Variants in RXRA observed in about 807,000 individuals in gnomAD.
RXRA encodes retinoic acid receptor RXR-alpha.
RXRA carries 5 observed loss-of-function variants against 44.5 expected under a neutral mutation model. The observed-to-expected ratio is 0.11, with a 90% CI of 0.06 to 0.24. RXRA has a LOEUF of 0.24. RXRA is among the 10% of genes least tolerant of loss of function. The pLI is 1.00. For synonymous variants in RXRA, 291 were observed against 271.4 expected, an observed-to-expected ratio of 1.07 and a Z score of -0.71; for missense variants, 412 against 646.5, an observed-to-expected ratio of 0.64 and a Z score of 3.93.
intron 1 of RXRA, among the ~76,000 whole-genome samples, chr9:134,327,807 C>CA (rs1454184859): frequency 7.9e-5 from 12 of 152,192 alleles, no homozygotes; most frequent in Admixed American, 7.8e-4. Context: ...CTCTGCTACT[C>CA]ACAGGCAGGT....
rs2119031969 is a variant in RXRA, at chr9:134,343,945, C to G, written c.28+17286C>G. ...CCTACCACAGTGGGGTGGGCATCTCCCCATAGGCCCTCCCCACAGGATGCA... is the reference window on the plus strand; with the variant it reads ...CCTACCACAGTGGGGTGGGCATCTCGCCATAGGCCCTCCCCACAGGATGCA... On this transcript the variant is annotated intron_variant, in intron 1 of 9. Coordinates refer to ENST00000481739, the MANE Select transcript of RXRA (RefSeq NM_002957.6). The surrounding 1 kb of genome is among the most constrained non-coding windows in gnomAD (Gnocchi z 4.1). Among the ~76,000 whole-genome samples, 1 of 152,288 alleles carries G rather than the reference C, an allele frequency of 6.6e-6. No individual in the cohort carries two copies. Among genetic ancestry groups the G allele is most frequent in the East Asian group, 1.9e-4 (1 of 5,162 alleles).
At chr9:134,424,304 G>A (rs1021842950) in intron 6 of RXRA, 7 of 985,370 alleles carry the variant, frequency 7.1e-6, no homozygotes, top group Non-Finnish European at 6.0e-6. Flanking sequence ...AAGCCATCCC[G>A]TGGCATCTCT....
chr9:134,385,647 G>T (rs1202779087), intron 1 of RXRA, among the ~76,000 whole-genome samples: 1 of 152,242 alleles, frequency 6.6e-6, no homozygotes, highest in Non-Finnish European at 1.5e-5. Context: ...GCGAGCGGTG[G>T]TGGCCCCCGA....
chr9:134,439,032 G>A lies in RXRA; in HGVS notation c.*2418G>A, dbSNP rs2119224444. 1 of 152,430 alleles carries A rather than the reference G, an allele frequency of 6.6e-6. No individual in the cohort carries two copies. The highest frequency in any genetic ancestry group is 1.9e-4 in the East Asian group (1 of 5,188). 9.4% of individuals were successfully genotyped at this position (152,430 alleles called of 1,614,324 possible). On this transcript the variant is annotated 3_prime_UTR_variant, in exon 10 of 10. Transcript: ENST00000481739. ...TACAGTGCTGTTGGTTTGAAAAGGT[G>A]ATGTGTGGGGAGTGCGGCTCATCAC...
chr9:134,426,291 C>CCCT lies in RXRA; in HGVS notation c.911-2813_911-2811dup. 4.1e-6 allele frequency: 4 copies of CCCT among 985,438 alleles called. No individual in the cohort carries two copies. Among genetic ancestry groups the CCCT allele is most frequent in the Non-Finnish European group, 4.8e-6 (4 of 829,916 alleles). 61.0% of individuals were successfully genotyped at this position (985,438 alleles called of 1,614,324 possible). A position where few individuals can be genotyped will look rare whatever the true frequency, so the allele number is the denominator to read the frequency against. On this transcript the variant is annotated intron_variant, in intron 6 of 9. Coordinates refer to ENST00000481739, the MANE Select transcript of RXRA (RefSeq NM_002957.6). This position sits in a 1 kb window ranked among gnomAD's most constrained non-coding sequence, Gnocchi z 4.6. ...GGCCCCCACATCACAGGGCCAGGAG[C>CCCT]CCTCCTTCCTGCAGCGATGGAGCAC...
chr9:134,434,018 AC>A, intron 8 of RXRA, 83 bp from the exon 9 acceptor site: 1 of 961,992 alleles, frequency 1.0e-6, no homozygotes, highest in Non-Finnish European at 1.6e-6. Flanking sequence ...AGCCTGGGAG[AC>A]CCCACACAAG....
intron 4 of RXRA, among the ~76,000 whole-genome samples, chr9:134,412,118 G>A (rs1476331907): frequency 3.3e-5 from 5 of 152,226 alleles, no homozygotes; most frequent in African/African-American, 1.2e-4. Flanking sequence ...CTCCCCGACA[G>A]CGGAGGGCAG....
chr9:134,420,955 C>A (rs766365848), intron 5 of RXRA, among the ~76,000 whole-genome samples: 1 of 152,256 alleles, frequency 6.6e-6, no homozygotes, highest in Non-Finnish European at 1.5e-5. Context: ...GGCTCCTGCC[C>A]TCCTGAGCTC....
At position 134,407,153 on chromosome 9, in the gene RXRA, A is replaced by G. The variant is rs774148359; in HGVS notation, c.280-996A>G. On this transcript the variant is annotated intron_variant, in intron 2 of 9. Transcript: ENST00000481739. This position sits in a 1 kb window ranked among gnomAD's most constrained non-coding sequence, Gnocchi z 4.8. ...AAGCTGGGGCTGGAAGACTCATTCC[A>G]GGCACCGAGGTCCATGTGAAAGGAG... 2.6e-5 allele frequency among the ~76,000 whole-genome samples: 4 copies of G among 152,224 alleles called. No homozygotes were observed. Among genetic ancestry groups the G allele is most frequent in the Admixed American group, 6.5e-5 (1 of 15,290 alleles).
At chr9:134,400,219 C>G (rs570332643) in intron 1 of RXRA, among the ~76,000 whole-genome samples, 2 of 152,312 alleles carry the variant, frequency 1.3e-5, no homozygotes, top group African/African-American at 2.4e-5. Context: ...CCCAGGGCTT[C>G]CTCCCGCTCT....
chr9:134,335,759 T>TA (rs1209099402), intron 1 of RXRA, among the ~76,000 whole-genome samples: 17 of 152,102 alleles, frequency 1.1e-4, no homozygotes, highest in African/African-American at 4.1e-4. Context: ...CCATGTGCGG[T>TA]ACCCCACCTC....
At chr9:134,388,830 G>A (rs1830758842) in intron 1 of RXRA, among the ~76,000 whole-genome samples, 2 of 152,206 alleles carry the variant, frequency 1.3e-5, no homozygotes, top group Admixed American at 1.3e-4. Flanking sequence ...AGATGCTGAG[G>A]GTCTCCAGGT....
intron 6 of RXRA, chr9:134,422,078 C>G (rs1384246110): frequency 2.9e-6 from 4 of 1,377,464 alleles, no homozygotes; most frequent in Non-Finnish European, 3.8e-6. Context: ...ACGCTCCCCT[C>G]TCCCAGGACA....
chr9:134,360,117 G>C (rs1463519266), intron 1 of RXRA, among the ~76,000 whole-genome samples: 3 of 152,194 alleles, frequency 2.0e-5, no homozygotes, highest in Non-Finnish European at 4.4e-5. Flanking sequence ...GGGGCCCCAG[G>C]GCTTTACCTA....
Position 134,413,116 on chromosome 9 carries a change from G to A in RXRA, c.610+3997G>A, listed in dbSNP as rs1168947991. On this transcript the variant is annotated intron_variant, in intron 4 of 9. Transcript: ENST00000481739. ...TCTTGCCTTCTGGCCTGTGAACTGG[G>A]CAAGTGACCTTGCCTCGCCCAGTCC... 2.0e-5 allele frequency among the ~76,000 whole-genome samples: 3 copies of A among 152,208 alleles called. No homozygotes were observed. In the East Asian group the frequency reaches 5.8e-4, roughly 29 times the overall value.
At chr9:134,367,637 G>A (rs1830431103) in intron 1 of RXRA, among the ~76,000 whole-genome samples, 1 of 152,230 alleles carries the variant, frequency 6.6e-6, no homozygotes, top group Admixed American at 6.5e-5. Context: ...GGAGTGTGGG[G>A]TGGGCTTCCC....
chr9:134,381,789 C>T (rs991391968), intron 1 of RXRA, among the ~76,000 whole-genome samples: 9 of 152,224 alleles, frequency 5.9e-5, no homozygotes, highest in Admixed American at 5.2e-4. Context: ...AAATTAGCCC[C>T]GACCTCCCCG....
intron 1 of RXRA, among the ~76,000 whole-genome samples, chr9:134,330,538 C>A (rs1206648269): frequency 6.6e-6 from 1 of 152,158 alleles, no homozygotes; most frequent in Non-Finnish European, 1.5e-5. Flanking sequence ...TCACCCTCCT[C>A]CCCCCTGCAC....
intron 1 of RXRA, among the ~76,000 whole-genome samples, chr9:134,352,083 G>C (rs948519243): frequency 1.3e-5 from 2 of 152,226 alleles, no homozygotes; most frequent in Non-Finnish European, 2.9e-5. Context: ...CACAGGCTGC[G>C]GGAGTCAGAG....
Sources: allele counts gnomAD v4.1 joint callset (sites outside exome capture counted in the v4.1 genomes callset), GRCh38; gene constraint gnomAD v4.1.1; non-coding constraint Gnocchi (gnomAD v3.1); transcripts MANE v1.5; gene names NCBI Gene and HGNC (gene_info 2026-07-23, HGNC 2026-07-21).